The following CNDP1 variants were observed in gnomAD, a reference collection of about 807,000 sequenced individuals.
The protein encoded by CNDP1 is carnosine dipeptidase 1.
In CNDP1, 44 loss-of-function variants were observed where a neutral mutation model predicts 58.1. The ratio of observed to expected loss-of-function variants is 0.76; its 90% CI spans 0.60 to 0.97. The LOEUF is 0.97. Ranked by LOEUF, CNDP1 falls within the 50% of genes least tolerant of loss-of-function variation. The pLI is 0.00. For synonymous variants in CNDP1, 254 were observed against 252.6 expected (o/e 1.01, Z -0.05); for missense variants, 616 against 655.1 (o/e 0.94, Z 0.65).
At chr18:74,566,897 G>A (rs573087182) in intron 5 of CNDP1, among the ~76,000 whole-genome samples, 8 of 152,176 alleles carry the variant, frequency 5.3e-5, no homozygotes, top group African/African-American at 1.9e-4. Context: ...ACCCAAGACT[G>A]GGAAGAAAAA....
rs150048334 is a variant in CNDP1 at position 74,541,531 on chromosome 18, T to C, written c.24+6840T>C. The stretch of plus-strand genomic sequence containing the variant: ...GGGTGGGTGGGTCCAGCCACCATCC[T>C]ACTGATCCCAGTGCAGAGCTCCTGC... On this transcript the variant is annotated intron_variant, in intron 1 of 11. Transcript: ENST00000358821. Among the ~76,000 whole-genome samples, 13 of 152,292 alleles carry C rather than the reference T, an allele frequency of 8.5e-5. No homozygotes were observed. In the East Asian group the frequency reaches 2.3e-3, roughly 27 times the overall value.
chr18:74,542,477 G>A (rs558594485), intron 1 of CNDP1, among the ~76,000 whole-genome samples: 1 of 152,276 alleles, frequency 6.6e-6, no homozygotes, highest in Admixed American at 6.5e-5. Flanking sequence ...GGGACATTAC[G>A]TCCCAGGAAG....
At position 74,545,570 on chromosome 18, in the gene CNDP1, T is replaced by A. The variant is rs1245496557; in HGVS notation, c.25-10768T>A. On this transcript the variant is annotated intron_variant, in intron 1 of 11. Coordinates refer to ENST00000358821, the MANE Select transcript of CNDP1 (RefSeq NM_032649.6). This position sits in a 1 kb window ranked among gnomAD's most constrained non-coding sequence, Gnocchi z 4.1. ...CCCTGCCAGGCTCTCCTCTCCTGAC[T>A]CCGTGAGAAATCTCTGCTCTCCTCC... Among the ~76,000 whole-genome samples, 2 of 152,234 alleles carry A rather than the reference T, an allele frequency of 1.3e-5. No individual in the cohort carries two copies. The highest frequency in any genetic ancestry group is 3.9e-4 in the East Asian group (2 of 5,162).
At chr18:74,573,431 A>ATTCATCCATCCATCCATCTATTTATGTAT (rs565156580) in intron 7 of CNDP1, among the ~76,000 whole-genome samples, 2,178 of 141,786 alleles carry the variant, frequency 0.015, 70 homozygotes, top group African/African-American at 0.057. Flanking sequence ...CATCCATCCA[A>ATTCATCCATCCATCCATCTATTTATGTAT]CTATCTATCT....
chr18:74,556,411 C>A lies in CNDP1; in HGVS notation c.98C>A (p.Ala33Glu), dbSNP rs371577078. 27 of 1,614,086 alleles carry A rather than the reference C, an allele frequency of 1.7e-5. No individual in the cohort carries two copies. Among genetic ancestry groups the A allele is most frequent in the South Asian group, 1.2e-4 (11 of 91,090 alleles). The change falls in exon 2 of 12, where the codon GCG becomes GAG. Residue 33 changes from alanine to glutamate, a missense_variant. By Grantham distance (107) the Ala-to-Glu change is moderately radical. Coordinates refer to ENST00000358821, the MANE Select transcript of CNDP1 (RefSeq NM_032649.6). ...TTCTCCTCACCCTCCCCGCCCCCGG[C>A]GCTGTTAGAGAAAGTCTTCCAGTAC... ...GMFSSPSPPP[A>E]LLEKVFQYID...
intron 10 of CNDP1, among the ~76,000 whole-genome samples, chr18:74,582,401 A>G (rs1305832271): frequency 6.6e-6 from 1 of 152,226 alleles, no homozygotes; most frequent in Admixed American, 6.5e-5. Context: ...TCTAAAACCT[A>G]CGATAGCAGT....
At chr18:74,578,995 A>T (rs1981705114) in intron 9 of CNDP1, among the ~76,000 whole-genome samples, 2 of 152,156 alleles carry the variant, frequency 1.3e-5, no homozygotes, top group Non-Finnish European at 2.9e-5. Flanking sequence ...GAAATATTTC[A>T]TCCCAACAGT....
chr18:74,573,429 CAA>C (rs1981543292), intron 7 of CNDP1, among the ~76,000 whole-genome samples: 1 of 22,324 alleles, frequency 4.5e-5, no homozygotes, highest in Non-Finnish European at 7.5e-5. Context: ...TCCATCCATC[CAA>C]CTATCTATCT....
chr18:74,540,663 A>G (rs1198064014), intron 1 of CNDP1, among the ~76,000 whole-genome samples: 1 of 152,224 alleles, frequency 6.6e-6, no homozygotes, highest in Non-Finnish European at 1.5e-5. Context: ...GATCCCAGGC[A>G]GTCTCTTGAC....
rs1282467702 is a variant in CNDP1, at chr18:74,586,555, T to A, written c.*1993T>A. ...ACCCAACAATATGTATTCGCTGATCTTCATTCCTGCTGAATCTGAGACCAG... is the reference window on the plus strand; with the variant it reads ...ACCCAACAATATGTATTCGCTGATCATCATTCCTGCTGAATCTGAGACCAG... On this transcript the variant is annotated 3_prime_UTR_variant, in exon 12 of 12. Transcript: ENST00000358821. 2 of 152,244 alleles carry A rather than the reference T, an allele frequency of 1.3e-5. No individual in the cohort carries two copies. The highest frequency in any genetic ancestry group is 2.9e-5 in the Non-Finnish European group (2 of 68,036). 9.4% of individuals were successfully genotyped at this position (152,244 alleles called of 1,614,324 possible). A position where few individuals can be genotyped will look rare whatever the true frequency, so the allele number is the denominator to read the frequency against.
chr18:74,572,790 C>CAAAA (rs56059264), intron 7 of CNDP1, among the ~76,000 whole-genome samples: 210 of 59,128 alleles, frequency 3.6e-3, no homozygotes, highest in Middle Eastern at 0.011. Flanking sequence ...GACCCTGTAT[C>CAAAA]AAAAAAAAAA....
intron 1 of CNDP1, 111 bp from the exon 2 acceptor site, chr18:74,556,227 G>A: frequency 1.7e-6 from 2 of 1,195,750 alleles, no homozygotes; most frequent in East Asian, 2.4e-5. Context: ...TATTCCGACT[G>A]ACTGGAGGCA....
intron 10 of CNDP1, among the ~76,000 whole-genome samples, chr18:74,581,200 C>T (rs1313626763): frequency 1.3e-5 from 2 of 149,032 alleles, no homozygotes; most frequent in Admixed American, 6.8e-5. Context: ...AGGGCATCCC[C>T]GGAGAGCCAC....
At position 74,549,074 on chromosome 18, in the gene CNDP1, G is replaced by A. The variant is rs150268512; in HGVS notation, c.25-7264G>A. Among the ~76,000 whole-genome samples, 1,368 of 152,256 alleles carry A rather than the reference G, an allele frequency of 9.0e-3. 22 individuals are homozygous for A. Among genetic ancestry groups the A allele is most frequent in the African/African-American group, 0.031 (1,286 of 41,528 alleles). ...GTTGCCCCAAGAATACTCACCAGTG[G>A]CACTTGTGGCTGCAGCATTTACCCT... On this transcript the variant is annotated intron_variant, in intron 1 of 11. Coordinates refer to ENST00000358821, the MANE Select transcript of CNDP1 (RefSeq NM_032649.6).
rs748289316 is a variant in CNDP1, at chr18:74,559,415, G to C, written c.246G>C (p.Ala82=). The C allele has an allele frequency of 5.0e-6, 8 of 1,613,168 alleles. No individual in the cohort carries two copies. The highest frequency in any genetic ancestry group is 1.7e-5 in the Admixed American group (1 of 59,994). The change falls in exon 3 of 12, where the codon GCG becomes GCC. Residue 82 remains alanine (A), a synonymous_variant. Transcript: ENST00000358821. ...QELFRMMAVA[A]DTLQRLGARV... Reference sequence around the variant, plus strand: ...TCTTCAGAATGATGGCCGTGGCTGCGGACACGCTGCAGCGCCTGGGGGCCC... The same window carrying C: ...TCTTCAGAATGATGGCCGTGGCTGCCGACACGCTGCAGCGCCTGGGGGCCC...
intron 1 of CNDP1, among the ~76,000 whole-genome samples, chr18:74,555,122 T>A (rs908525494): frequency 6.6e-6 from 1 of 152,088 alleles, no homozygotes; most frequent in African/African-American, 2.4e-5. Flanking sequence ...GAATCATAGA[T>A]TAAACAAGTC....
At chr18:74,569,005 A>G (rs1981400983) in intron 6 of CNDP1, among the ~76,000 whole-genome samples, 1 of 152,038 alleles carries the variant, frequency 6.6e-6, no homozygotes, top group Non-Finnish European at 1.5e-5. Context: ...TGAACAGGGG[A>G]AAAAACAAAG....
intron 3 of CNDP1, 75 bp from the exon 4 acceptor site, chr18:74,560,781 C>T (rs2144656544): frequency 7.3e-7 from 1 of 1,378,234 alleles, no homozygotes; most frequent in African/African-American, 1.4e-5. Context: ...AACAAGACTC[C>T]CAATGTCATG....
At chr18:74,546,187 G>T (rs1980754429) in intron 1 of CNDP1, among the ~76,000 whole-genome samples, 1 of 152,184 alleles carries the variant, frequency 6.6e-6, no homozygotes, top group South Asian at 2.1e-4. Context: ...ATGATGGAAG[G>T]TTCCGGAAGT....
Sources: gnomAD v4.1 joint callset for allele counts (sites outside exome capture counted in the v4.1 genomes callset) on GRCh38, gnomAD v4.1.1 for gene constraint, Gnocchi (gnomAD v3.1) non-coding constraint, MANE v1.5 for transcripts, NCBI Gene and HGNC (gene_info 2026-07-23, HGNC 2026-07-21) for gene names.